The following GNB5 variants were observed in gnomAD, a reference collection of about 807,000 sequenced individuals.
The protein encoded by GNB5 is G protein subunit beta 5.
Under a neutral mutation model 55.3 loss-of-function variants are expected in GNB5, and 37 were observed. The observed-to-expected ratio is 0.67, with a 90% CI of 0.51 to 0.88. GNB5 has a LOEUF of 0.88. Among genes scored for constraint, GNB5 ranks in the 40% least tolerant of loss-of-function variants. GNB5 has a pLI of 0.00. For synonymous variants in GNB5, 219 were observed against 198.5 expected (o/e 1.10, Z -0.87); for missense variants, 476 against 515.3 (o/e 0.92, Z 0.74).
At chr15:52,125,201 C>T (rs952587717) in intron 11 of GNB5, 2 of 152,684 alleles carry the variant, frequency 1.3e-5, no homozygotes, top group African/African-American at 4.8e-5. Context: ...CTTTTTTTGA[C>T]ATGATCCTTC....
At chr15:52,133,555 A>G in intron 8 of GNB5, 86 bp from the exon 9 acceptor site, 1 of 839,696 alleles carries the variant, frequency 1.2e-6, no homozygotes, top group Non-Finnish European at 2.0e-6. Flanking sequence ...AACACAGACC[A>G]TTTATTTCCC....
chr15:52,185,796 T>TTAC (rs1317237995), intron 1 of GNB5, among the ~76,000 whole-genome samples: 3 of 146,912 alleles, frequency 2.0e-5, no homozygotes, highest in Non-Finnish European at 4.5e-5. Flanking sequence ...ATTATTATTA[T>TTAC]TTGGGACAGT....
At chr15:52,164,970 C>T (rs145000949) in intron 3 of GNB5, among the ~76,000 whole-genome samples, 97 of 152,280 alleles carry the variant, frequency 6.4e-4, no homozygotes, top group Non-Finnish European at 1.2e-3. Context: ...CATGATAAAA[C>T]ATTACAGGAG....
At chr15:52,144,432 A>G (rs961150152) in intron 6 of GNB5, 6 of 152,206 alleles carry the variant, frequency 3.9e-5, no homozygotes, top group Non-Finnish European at 2.9e-5. Context: ...AACTAGAAAC[A>G]TATTACCCTA....
chr15:52,144,944 G>C (rs2033938686), intron 6 of GNB5, among the ~76,000 whole-genome samples: 2 of 152,116 alleles, frequency 1.3e-5, no homozygotes, highest in Non-Finnish European at 2.9e-5. Flanking sequence ...CTCCTCCTTT[G>C]GTTGGTTCTA....
In GNB5 at chr15:52,124,605, A is replaced by G; in HGVS notation, c.1044T>C (p.Thr348=). 6.2e-7 allele frequency: 1 copy of G among 1,614,082 alleles called. No homozygotes were observed. Among genetic ancestry groups the G allele is most frequent in the South Asian group, 1.1e-5 (1 of 91,074 alleles). ...RLLFAGYNDY[T]INVWDVLKGS... is the part of the protein sequence containing the mutation. ...CTTTGAGAACATCCCAGACGTTGAT[A>G]GTGTAATCATTGTATCCAGCAAACA... The change falls in exon 12 of 13, where the codon ACT becomes ACC. Residue 348 remains threonine (T), a synonymous_variant. Coordinates refer to ENST00000261837, the MANE Select transcript of GNB5 (RefSeq NM_016194.4).
rs545042426 is a variant in GNB5, at chr15:52,116,296, G to A, written c.*6461C>T. Reference sequence around the variant, plus strand: ...CTGGTTAGATAACCTTGGGTTCAAAGACAGACATTTCCTGTTGTCACAGTC... The same window carrying A: ...CTGGTTAGATAACCTTGGGTTCAAAAACAGACATTTCCTGTTGTCACAGTC... On this transcript the variant is annotated 3_prime_UTR_variant, in exon 13 of 13. Transcript: ENST00000261837. The A allele has an allele frequency of 6.6e-6, 1 of 152,310 alleles. No individual in the cohort carries two copies. Among genetic ancestry groups the A allele is most frequent in the African/African-American group, 2.4e-5 (1 of 41,566 alleles). The allele number at this position is 152,310 out of a possible 1,614,324, so 9.4% of individuals were successfully genotyped here.
chr15:52,138,398 A>T (rs917527037), intron 7 of GNB5: 1 of 151,936 alleles, frequency 6.6e-6, no homozygotes, highest in African/African-American at 2.4e-5. Flanking sequence ...AAAAAAAAAA[A>T]AAACTCATTT....
chr15:52,136,183 T>C (rs2033717412), intron 7 of GNB5, among the ~76,000 whole-genome samples: 1 of 112,882 alleles, frequency 8.9e-6, no homozygotes, highest in Non-Finnish European at 1.7e-5. Context: ...CCCTACCTGC[T>C]GTATCTGGGT....
chr15:52,125,744 C>A lies in GNB5; in HGVS notation c.1009+204G>T, dbSNP rs1396158064. The A allele has an allele frequency of 2.2e-5, 12 of 546,932 alleles. No homozygotes were observed. In the South Asian group the frequency reaches 3.0e-4, roughly 14 times the overall value. The allele number at this position is 546,932 out of a possible 1,614,324, so 33.9% of individuals were successfully genotyped here. A position where few individuals can be genotyped will look rare whatever the true frequency, so the allele number is the denominator to read the frequency against. ...TTAGGTGGGTACACAGCCTTCATTT[C>A]CCCCTGGAGTGAAGTTGCCTGGGGC... On this transcript the variant is annotated intron_variant, in intron 11 of 12. Transcript: ENST00000261837.
At chr15:52,152,949 G>T (rs943250861) in intron 4 of GNB5, among the ~76,000 whole-genome samples, 18 of 152,330 alleles carry the variant, frequency 1.2e-4, no homozygotes, top group Admixed American at 8.5e-4. Flanking sequence ...TGTGACTTCA[G>T]TTTATAGCTT....
chr15:52,161,296 C>A (rs560582438), intron 3 of GNB5, among the ~76,000 whole-genome samples: 2 of 152,254 alleles, frequency 1.3e-5, no homozygotes, highest in South Asian at 4.1e-4. Flanking sequence ...TTTGGATCCT[C>A]CATGCCTCTT....
At chr15:52,155,748 A>G (rs572634599) in intron 3 of GNB5, among the ~76,000 whole-genome samples, 2 of 152,302 alleles carry the variant, frequency 1.3e-5, no homozygotes, top group African/African-American at 4.8e-5. Flanking sequence ...AGGGACACAG[A>G]GATGGGGTGC....
intron 1 of GNB5, among the ~76,000 whole-genome samples, chr15:52,187,142 G>A (rs1477596057): frequency 6.6e-6 from 1 of 152,194 alleles, no homozygotes; most frequent in Non-Finnish European, 1.5e-5. Context: ...GTCACAAAAG[G>A]TGAGTTAACA....
intron 3 of GNB5, among the ~76,000 whole-genome samples, chr15:52,161,195 G>A (rs1332578249): frequency 6.6e-6 from 1 of 152,178 alleles, no homozygotes; most frequent in African/African-American, 2.4e-5. Context: ...AATAATGGGA[G>A]AATCTGTGGG....
At chr15:52,152,531 G>T (rs1405537142) in intron 4 of GNB5, among the ~76,000 whole-genome samples, 1 of 151,360 alleles carries the variant, frequency 6.6e-6, no homozygotes, top group African/African-American at 2.4e-5. Context: ...CACCATGTTG[G>T]CCAGGTTAGT....
At chr15:52,191,286 C>T (rs1381276143) in intron 1 of GNB5, 36 bp downstream of exon 1, 1 of 152,260 alleles carries the variant, frequency 6.6e-6, no homozygotes, top group Non-Finnish European at 1.5e-5. Context: ...ATTTCAAAAG[C>T]TGGAGTATTT....
intron 6 of GNB5, 63 bp downstream of exon 6, chr15:52,147,396 G>C: frequency 1.1e-6 from 1 of 916,312 alleles, no homozygotes; most frequent in East Asian, 2.4e-5. Flanking sequence ...GTTTGTTTTT[G>C]CCAAGAGAAC....
chr15:52,169,628 C>T (rs2034522178), intron 3 of GNB5, among the ~76,000 whole-genome samples: 1 of 144,824 alleles, frequency 6.9e-6, no homozygotes, highest in South Asian at 2.2e-4. Flanking sequence ...AAGAGGAAAA[C>T]CTAGGCAATA....
Sources: allele counts gnomAD v4.1 joint callset (sites outside exome capture counted in the v4.1 genomes callset), GRCh38; gene constraint gnomAD v4.1.1; transcripts MANE v1.5; gene names NCBI Gene and HGNC (gene_info 2026-07-23, HGNC 2026-07-21).